The following ADAMTS3 variants were observed in gnomAD, a reference collection of about 807,000 sequenced individuals.
The protein encoded by ADAMTS3 is ADAM metallopeptidase with thrombospondin type 1 motif 3.
In ADAMTS3, 73 loss-of-function variants were observed where a neutral mutation model predicts 129.0. That is an observed-to-expected ratio of 0.57 (90% CI 0.47 to 0.69). The LOEUF is 0.69. Ranked by LOEUF, ADAMTS3 falls within the 30% of genes least tolerant of loss-of-function variation. ADAMTS3 has a pLI of 0.00. For synonymous variants in ADAMTS3, 477 were observed against 510.8 expected (o/e 0.93, Z 0.89); for missense variants, 1,457 against 1,514.5 (o/e 0.96, Z 0.63).
At chr4:72,513,912 T>C (rs1263081408) in intron 3 of ADAMTS3, among the ~76,000 whole-genome samples, 1 of 152,148 alleles carries the variant, frequency 6.6e-6, no homozygotes, top group Non-Finnish European at 1.5e-5. Context: ...TTAGCTCCTA[T>C]TTATAAGCGA....
At chr4:72,358,377 CT>C (rs1720635533) in intron 4 of ADAMTS3, among the ~76,000 whole-genome samples, 1 of 151,966 alleles carries the variant, frequency 6.6e-6, no homozygotes, top group African/African-American at 2.4e-5. Flanking sequence ...CTGCACCAGA[CT>C]TTTTACTACA....
At chr4:72,456,360 AGTATACAATATATAG>A (rs1718617384) in intron 3 of ADAMTS3, among the ~76,000 whole-genome samples, 39 of 25,944 alleles carry the variant, frequency 1.5e-3, no homozygotes, top group Non-Finnish European at 3.0e-3. Flanking sequence ...TATAGTATAT[AGTATACAATATATAG>A]TATATATAGT....
At chr4:72,312,885 GA>G (rs1719280450) in intron 12 of ADAMTS3, among the ~76,000 whole-genome samples, 3 of 152,126 alleles carry the variant, frequency 2.0e-5, no homozygotes, top group African/African-American at 7.2e-5. Flanking sequence ...GGAAAACTGT[GA>G]AGATTAAATG....
chr4:72,373,170 G>T (rs1721053478), intron 4 of ADAMTS3, among the ~76,000 whole-genome samples: 2 of 152,124 alleles, frequency 1.3e-5, no homozygotes, highest in Non-Finnish European at 2.9e-5. Context: ...GCACAGGTTT[G>T]AACAACTTAC....
chr4:72,333,591 AC>A (rs1356045494), intron 5 of ADAMTS3, among the ~76,000 whole-genome samples: 2 of 151,688 alleles, frequency 1.3e-5, no homozygotes, highest in African/African-American at 4.8e-5. Flanking sequence ...GCAGGAACCG[AC>A]CCTCAGTGGC....
At position 72,442,084 on chromosome 4, in the gene ADAMTS3, A is replaced by C. The variant is rs1022687419; in HGVS notation, c.505-27113T>G. 18 of 151,818 alleles carry C rather than the reference A, an allele frequency of 1.2e-4. 1 individual carries two copies. Among genetic ancestry groups the C allele is most frequent in the Non-Finnish European group, 1.5e-5 (1 of 67,862 alleles). The allele number at this position is 151,818 out of a possible 1,614,324, so 9.4% of individuals were successfully genotyped here. On this transcript the variant is annotated intron_variant, in intron 3 of 21. Coordinates refer to ENST00000286657, the MANE Select transcript of ADAMTS3 (RefSeq NM_014243.3). ...TAGCTGGACAGATCTAAAGAGCTGG[A>C]AGTGACTTGAATGGCTGAGGTCTAG...
chr4:72,298,515 T>C lies in ADAMTS3; in HGVS notation c.2425-73A>G. ...TTTTGAGTGTAAAATTACAAATATT[T>C]CAGAATATTGCTCTTATTAAAACTG... On this transcript the variant is annotated intron_variant, in intron 17 of 21. Transcript: ENST00000286657. 8.5e-6 allele frequency: 10 copies of C among 1,179,136 alleles called. No individual in the cohort carries two copies. The South Asian group carries it at 1.7e-4, about 19-fold the overall frequency. The allele number at this position is 1,179,136 out of a possible 1,614,324, so 73.0% of individuals were successfully genotyped here.
At chr4:72,509,809 A>T (rs1287709047) in intron 3 of ADAMTS3, among the ~76,000 whole-genome samples, 2 of 19,728 alleles carry the variant, frequency 1.0e-4, no homozygotes, top group African/African-American at 4.9e-4. Flanking sequence ...AGACACATTA[A>T]AAAAAAAAAA....
At chr4:72,455,684 T>C (rs1485241151) in intron 3 of ADAMTS3, among the ~76,000 whole-genome samples, 1 of 148,066 alleles carries the variant, frequency 6.8e-6, no homozygotes, top group East Asian at 2.0e-4. Context: ...TTACCTTTCT[T>C]CCGGATTTTT....
chr4:72,405,089 GA>G (rs1198486804), intron 4 of ADAMTS3, among the ~76,000 whole-genome samples: 1 of 152,146 alleles, frequency 6.6e-6, no homozygotes, highest in East Asian at 1.9e-4. Flanking sequence ...CTGTTGGTGT[GA>G]ATGTAAATAG....
chr4:72,351,812 C>T (rs900873294), intron 4 of ADAMTS3, among the ~76,000 whole-genome samples: 2 of 151,926 alleles, frequency 1.3e-5, no homozygotes, highest in African/African-American at 4.8e-5. Context: ...ATATGTTTTG[C>T]TCTGAGTTTT....
At chr4:72,365,927 T>A (rs1720858433) in intron 4 of ADAMTS3, among the ~76,000 whole-genome samples, 1 of 152,120 alleles carries the variant, frequency 6.6e-6, no homozygotes, top group African/African-American at 2.4e-5. Context: ...GCAAAGTAAA[T>A]TCTCTCTAAA....
intron 3 of ADAMTS3, among the ~76,000 whole-genome samples, chr4:72,415,303 T>C (rs1351146054): frequency 1.3e-5 from 2 of 151,990 alleles, no homozygotes; most frequent in African/African-American, 4.8e-5. Context: ...ATTTTATATC[T>C]AGTAAGAATC....
At chr4:72,397,180 G>C (rs1721745956) in intron 4 of ADAMTS3, among the ~76,000 whole-genome samples, 1 of 152,064 alleles carries the variant, frequency 6.6e-6, no homozygotes, top group Non-Finnish European at 1.5e-5. Context: ...ACATATTATA[G>C]TACATAACTT....
intron 3 of ADAMTS3, among the ~76,000 whole-genome samples, chr4:72,528,656 T>C (rs897572207): frequency 3.9e-5 from 6 of 152,088 alleles, no homozygotes; most frequent in African/African-American, 1.4e-4. Flanking sequence ...GGATGGAATT[T>C]ATTTATATAA....
At chr4:72,299,051 TTC>T (rs1718885228) in intron 17 of ADAMTS3, among the ~76,000 whole-genome samples, 2 of 122,294 alleles carry the variant, frequency 1.6e-5, no homozygotes, top group Admixed American at 8.9e-5. Context: ...GATATTTGCA[TTC>T]TGTGTGTGTG....
chr4:72,476,044 A>G (rs1348551970), intron 3 of ADAMTS3, among the ~76,000 whole-genome samples: 2 of 151,998 alleles, frequency 1.3e-5, no homozygotes, highest in African/African-American at 4.8e-5. Flanking sequence ...TCAATAAGCT[A>G]AGCCCCTACC....
intron 17 of ADAMTS3, among the ~76,000 whole-genome samples, chr4:72,301,337 T>A (rs1718945197): frequency 6.6e-6 from 1 of 151,996 alleles, no homozygotes; most frequent in Non-Finnish European, 1.5e-5. Context: ...ACTAAAAGAA[T>A]GAAAAGACAA....
chr4:72,514,308 T>A (rs1720395069), intron 3 of ADAMTS3, among the ~76,000 whole-genome samples: 1 of 152,200 alleles, frequency 6.6e-6, no homozygotes, highest in South Asian at 2.1e-4. Context: ...GTTTCCCATG[T>A]ATTGGTGAAT....
Sources: allele counts gnomAD v4.1 joint callset (sites outside exome capture counted in the v4.1 genomes callset), GRCh38; gene constraint gnomAD v4.1.1; transcripts MANE v1.5; gene names NCBI Gene and HGNC (gene_info 2026-07-23, HGNC 2026-07-21).